PABPC4L: variants seen among roughly 807,000 people sequenced by gnomAD.
The protein encoded by PABPC4L is polyadenylate-binding protein 4-like.
For missense variants in PABPC4L, 452 were observed against 451.4 expected, an observed-to-expected ratio of 1.00 and a Z score of -0.01; for synonymous variants, 169 against 164.1, an observed-to-expected ratio of 1.03 and a Z score of -0.23.
At chr4:134,045,066 C>T in the PABPC4L span, among the ~76,000 whole-genome samples, 17 of 151,998 alleles carry the variant, frequency 1.1e-4, no homozygotes, top group African/African-American at 3.9e-4. Flanking sequence ...ATTCTTTGAT[C>T]GCAAGAGGAA....
At chr4:133,983,408 T>G in the PABPC4L span, among the ~76,000 whole-genome samples, 1 of 151,832 alleles carries the variant, frequency 6.6e-6, no homozygotes. Flanking sequence ...TAGATAGTCA[T>G]CCAGCTCTCA....
the PABPC4L span, among the ~76,000 whole-genome samples, chr4:134,189,888 T>C: frequency 6.5e-3 from 993 of 152,246 alleles, 10 homozygotes; most frequent in African/African-American, 0.022. Context: ...TCTGGGAAAA[T>C]AGTTTCTCTT....
At chr4:133,948,697 G>A in the PABPC4L span, among the ~76,000 whole-genome samples, 1 of 152,110 alleles carries the variant, frequency 6.6e-6, no homozygotes, top group African/African-American at 2.4e-5. Flanking sequence ...TTTTCGAATT[G>A]GTATTCCATC....
the PABPC4L span, among the ~76,000 whole-genome samples, chr4:134,079,624 T>C: frequency 7.1e-6 from 1 of 141,508 alleles, no homozygotes; most frequent in African/African-American, 2.6e-5. Flanking sequence ...GTGCATCTTT[T>C]AAAACTGCTA....
At chr4:134,078,769 C>T in the PABPC4L span, among the ~76,000 whole-genome samples, 2 of 151,530 alleles carry the variant, frequency 1.3e-5, no homozygotes. Context: ...TCTCCTGCCT[C>T]AGCCTCCAGA....
the PABPC4L span, among the ~76,000 whole-genome samples, chr4:134,011,766 T>C: frequency 6.6e-6 from 1 of 152,094 alleles, no homozygotes; most frequent in African/African-American, 2.4e-5. Context: ...AATTTAACGA[T>C]ATGTAGAAAA....
chr4:134,122,829 T>A, the PABPC4L span, among the ~76,000 whole-genome samples: 13 of 151,950 alleles, frequency 8.6e-5, no homozygotes, highest in Admixed American at 7.9e-4. Context: ...GTATTGATGA[T>A]TTTATTGTCT....
chr4:134,102,291 T>C, the PABPC4L span, among the ~76,000 whole-genome samples: 1 of 151,468 alleles, frequency 6.6e-6, no homozygotes, highest in African/African-American at 2.4e-5. Flanking sequence ...AATGATATAA[T>C]AATGTTATAA....
the PABPC4L span, among the ~76,000 whole-genome samples, chr4:134,163,082 A>G: frequency 2.0e-5 from 3 of 152,114 alleles, no homozygotes; most frequent in South Asian, 6.2e-4. Flanking sequence ...TGGTTCTTAT[A>G]AATAATAAAT....
At chr4:133,964,786 C>T in the PABPC4L span, among the ~76,000 whole-genome samples, 3 of 152,088 alleles carry the variant, frequency 2.0e-5, no homozygotes, top group South Asian at 6.2e-4. Flanking sequence ...GATTAAAACT[C>T]TCAGCAAAAT....
At chr4:133,980,195 A>G in the PABPC4L span, among the ~76,000 whole-genome samples, 1 of 152,194 alleles carries the variant, frequency 6.6e-6, no homozygotes, top group African/African-American at 2.4e-5. Context: ...GTATTTTTGT[A>G]TAATAATTAA....
At chr4:134,086,816 T>G in the PABPC4L span, among the ~76,000 whole-genome samples, 1 of 151,988 alleles carries the variant, frequency 6.6e-6, no homozygotes, top group Non-Finnish European at 1.5e-5. Context: ...TCTTTTATTA[T>G]TATACTTTAA....
At chr4:134,114,986 T>C in the PABPC4L span, among the ~76,000 whole-genome samples, 2 of 151,850 alleles carry the variant, frequency 1.3e-5, no homozygotes, top group Non-Finnish European at 1.5e-5. Context: ...ATCACTCCAA[T>C]TAGAGCTCCT....
At chr4:133,993,969 A>G in the PABPC4L span, among the ~76,000 whole-genome samples, 5 of 152,140 alleles carry the variant, frequency 3.3e-5, no homozygotes. Context: ...CAGAGTCACT[A>G]ACAATATTGA....
the PABPC4L span, among the ~76,000 whole-genome samples, chr4:134,172,404 A>T: frequency 1.3e-5 from 2 of 152,140 alleles, no homozygotes; most frequent in African/African-American, 4.8e-5. Context: ...TTGACCAACT[A>T]GCAATGGGGA....
the PABPC4L span, among the ~76,000 whole-genome samples, chr4:133,962,058 A>G: frequency 6.6e-6 from 1 of 152,200 alleles, no homozygotes; most frequent in Non-Finnish European, 1.5e-5. Context: ...TAACATCAGG[A>G]ATCCACATCC....
chr4:134,108,478 C>T, the PABPC4L span, among the ~76,000 whole-genome samples: 1 of 151,876 alleles, frequency 6.6e-6, no homozygotes, highest in South Asian at 2.1e-4. Context: ...TTATCTCCAG[C>T]ATAGCTGGCA....
chr4:134,028,707 T>C, the PABPC4L span, among the ~76,000 whole-genome samples: 1 of 152,098 alleles, frequency 6.6e-6, no homozygotes, highest in East Asian at 1.9e-4. Context: ...ATGAGCAAGA[T>C]AAAAAATTAG....
At chr4:134,165,879 A>T in the PABPC4L span, among the ~76,000 whole-genome samples, 3 of 152,194 alleles carry the variant, frequency 2.0e-5, 1 homozygote, top group Non-Finnish European at 4.4e-5. Flanking sequence ...AGTGACCAAC[A>T]TAAGTGCCCA....
Sources: gnomAD v4.1 joint callset for allele counts (sites outside exome capture counted in the v4.1 genomes callset) on GRCh38, gnomAD v4.1.1 for gene constraint, MANE v1.5 for transcripts, NCBI Gene and HGNC (gene_info 2026-07-23, HGNC 2026-07-21) for gene names.